Variants in FCHSD2 observed in about 807,000 individuals in gnomAD.
The protein encoded by FCHSD2 is F-BAR and double SH3 domains protein 2.
FCHSD2 carries 38 observed loss-of-function variants against 108.1 expected under a neutral mutation model. The observed-to-expected ratio is 0.35, with a 90% confidence interval of 0.27 to 0.46. FCHSD2 has a LOEUF of 0.46. Among genes scored for constraint, FCHSD2 ranks in the 20% least tolerant of loss-of-function variants. FCHSD2 has a pLI of 1.00. For missense variants in FCHSD2, 751 were observed against 897.8 expected (o/e 0.84, Z 2.09); for synonymous variants, 279 against 314.7 (o/e 0.89, Z 1.20).
chr11:72,849,149 G>A (rs985072934), intron 14 of FCHSD2, among the ~76,000 whole-genome samples: 3 of 152,116 alleles, frequency 2.0e-5, no homozygotes, highest in Non-Finnish European at 4.4e-5. Context: ...ATAGCCTTCC[G>A]CATTGCCCCT....
At chr11:73,033,280 T>C (rs1182417753) in intron 3 of FCHSD2, among the ~76,000 whole-genome samples, 1 of 139,836 alleles carries the variant, frequency 7.2e-6, no homozygotes, top group Non-Finnish European at 1.6e-5. Context: ...AGAGCGAGAT[T>C]CCGACTCAAA....
chr11:72,903,144 T>C (rs4944017), intron 9 of FCHSD2, among the ~76,000 whole-genome samples: 151,792 of 152,318 alleles, frequency 1, 75,634 homozygotes, highest in Middle Eastern at 1. Context: ...TACACTCTAA[T>C]TACCATCTTA....
intron 8 of FCHSD2, among the ~76,000 whole-genome samples, chr11:72,973,278 A>T (rs1857041036): frequency 1.3e-5 from 2 of 152,096 alleles, no homozygotes; most frequent in South Asian, 4.2e-4. Flanking sequence ...GAGGCAGGAG[A>T]ATCACTTGAA....
intron 2 of FCHSD2, among the ~76,000 whole-genome samples, chr11:73,099,100 C>T (rs1591552042): frequency 6.6e-6 from 1 of 152,024 alleles, no homozygotes; most frequent in Admixed American, 6.6e-5. Context: ...CCTATTGTCC[C>T]AGCTACTCAG....
intron 2 of FCHSD2, among the ~76,000 whole-genome samples, chr11:73,113,353 C>CTTTTTTTTTTTTTT (rs35979371): frequency 3.3e-5 from 1 of 29,892 alleles, no homozygotes; most frequent in African/African-American, 1.2e-4. Flanking sequence ...CCAAGATGGT[C>CTTTTTTTTTTTTTT]TTTTTTTTTT....
chr11:73,094,503 T>G (rs1321029685), intron 2 of FCHSD2, among the ~76,000 whole-genome samples: 3 of 152,150 alleles, frequency 2.0e-5, no homozygotes, highest in Non-Finnish European at 2.9e-5. Flanking sequence ...CCAAAAACAG[T>G]CCAGTTGTCC....
intron 3 of FCHSD2, among the ~76,000 whole-genome samples, chr11:73,061,854 T>A (rs1859171712): frequency 6.6e-6 from 1 of 152,046 alleles, no homozygotes; most frequent in Non-Finnish European, 1.5e-5. Flanking sequence ...GACAGAGCAC[T>A]TGGGGAAAGG....
At position 73,104,442 on chromosome 11, in the gene FCHSD2, G is replaced by A. The variant is rs138400377; in HGVS notation, c.120-20702C>T. 7.9e-3 allele frequency among the ~76,000 whole-genome samples: 1,205 copies of A among 152,110 alleles called. 21 individuals are homozygous for A. Among genetic ancestry groups the A allele is most frequent in the African/African-American group, 0.027 (1,129 of 41,474 alleles). On this transcript the variant is annotated intron_variant, in intron 2 of 19. Transcript: ENST00000409418. ...ACACCACCATGCCTGGCTAATTTTTGGATTTTCAGTAGAGATGGGGTTTCA... is the reference window on the plus strand; with the variant it reads ...ACACCACCATGCCTGGCTAATTTTTAGATTTTCAGTAGAGATGGGGTTTCA...
intron 8 of FCHSD2, among the ~76,000 whole-genome samples, chr11:72,931,305 C>T (rs1191232329): frequency 7.0e-6 from 1 of 143,266 alleles, no homozygotes; most frequent in Non-Finnish European, 1.5e-5. Flanking sequence ...TGAGGTTTCA[C>T]CATGTTGGTC....
intron 4 of FCHSD2, among the ~76,000 whole-genome samples, chr11:73,009,243 C>A (rs533786150): frequency 2.8e-3 from 427 of 152,242 alleles, no homozygotes; most frequent in Non-Finnish European, 4.7e-3. Flanking sequence ...CGCCTGTAAT[C>A]CCAGCAGTTT....
At chr11:72,839,353 T>G (rs1313384738) in intron 19 of FCHSD2, among the ~76,000 whole-genome samples, 1 of 151,102 alleles carries the variant, frequency 6.6e-6, no homozygotes, top group African/African-American at 2.4e-5. Flanking sequence ...AAAAGAGGAG[T>G]TTTTGGTGGA....
At chr11:73,037,615 C>G (rs1858529799) in intron 3 of FCHSD2, among the ~76,000 whole-genome samples, 1 of 152,200 alleles carries the variant, frequency 6.6e-6, no homozygotes, top group Admixed American at 6.5e-5. Context: ...ATCCCACTTA[C>G]CATGTTTTCC....
intron 4 of FCHSD2, among the ~76,000 whole-genome samples, chr11:73,005,629 A>G (rs914550874): frequency 9.9e-5 from 15 of 152,008 alleles, no homozygotes; most frequent in African/African-American, 3.6e-4. Flanking sequence ...TTGTTTTTAA[A>G]TTTTTATTTT....
chr11:73,107,002 A>ACTT (rs1258303984), intron 2 of FCHSD2, among the ~76,000 whole-genome samples: 1 of 152,018 alleles, frequency 6.6e-6, no homozygotes, highest in Non-Finnish European at 1.5e-5. Flanking sequence ...TTTAAAGCCC[A>ACTT]CTTCACATCT....
At chr11:73,135,428 C>T (rs1287191575) in intron 2 of FCHSD2, among the ~76,000 whole-genome samples, 1 of 152,150 alleles carries the variant, frequency 6.6e-6, no homozygotes, top group East Asian at 1.9e-4. Context: ...CTTAAACTGT[C>T]CTCTAAGAAG....
intron 3 of FCHSD2, among the ~76,000 whole-genome samples, chr11:73,060,249 T>A (rs939141739): frequency 6.6e-5 from 10 of 152,374 alleles, no homozygotes; most frequent in African/African-American, 1.7e-4. Flanking sequence ...TGTCTAATTG[T>A]ACCATATTTT....
chr11:72,900,121 G>C lies in FCHSD2; in HGVS notation c.924+2422C>G, dbSNP rs1230352339. Reference sequence around the variant, plus strand: ...GGAAGGAAATTCTTAATTTATAAGAGAAAACACAGCTGGTGCATCAGGGCC... The same window carrying C: ...GGAAGGAAATTCTTAATTTATAAGACAAAACACAGCTGGTGCATCAGGGCC... On this transcript the variant is annotated intron_variant, in intron 10 of 19. Coordinates refer to ENST00000409418, the MANE Select transcript of FCHSD2 (RefSeq NM_014824.3). 1.5e-5 allele frequency: 8 copies of C among 542,940 alleles called. No individual in the cohort carries two copies. In the East Asian group the frequency reaches 2.2e-4, roughly 15 times the overall value. The allele number at this position is 542,940 out of a possible 1,614,324, so 33.6% of individuals were successfully genotyped here.
rs72982856 is a variant in FCHSD2, at chr11:73,015,277, T to C, written c.242+532A>G. ...GATATTAACTAGCCACGTCTAAATC[T>C]TTTGTTTATATTCAAAAATACAAAC... On this transcript the variant is annotated intron_variant, in intron 4 of 19. Transcript: ENST00000409418. Among the ~76,000 whole-genome samples, 690 of 152,382 alleles carry C rather than the reference T, an allele frequency of 4.5e-3. 4 individuals are homozygous for C. Among genetic ancestry groups the C allele is most frequent in the African/African-American group, 0.016 (661 of 41,590 alleles).
At chr11:72,877,078 G>A (rs1854986299) in intron 12 of FCHSD2, among the ~76,000 whole-genome samples, 1 of 151,856 alleles carries the variant, frequency 6.6e-6, no homozygotes, top group Non-Finnish European at 1.5e-5. Flanking sequence ...TGCCTCCAGT[G>A]CAGCCTCATC....
Sources: gnomAD v4.1 joint callset for allele counts (sites outside exome capture counted in the v4.1 genomes callset) on GRCh38, gnomAD v4.1.1 for gene constraint, MANE v1.5 for transcripts, NCBI Gene and HGNC (gene_info 2026-07-23, HGNC 2026-07-21) for gene names.